Variants in ANXA11 observed in about 807,000 individuals in gnomAD.
ANXA11 encodes the protein 56 kDa autoantigen.
A neutral mutation model predicts 64.7 loss-of-function variants in ANXA11; 57 were observed. That is an observed-to-expected ratio of 0.88 (90% confidence interval 0.71 to 1.10). The LOEUF is 1.10. Among genes scored for constraint, ANXA11 ranks in the 50% least tolerant of loss-of-function variants. ANXA11 has a pLI of 0.00. For synonymous variants in ANXA11, 260 were observed against 265.2 expected (o/e 0.98, Z 0.19); for missense variants, 675 against 670.7 (o/e 1.01, Z -0.07).
chr10:80,191,520 A>G (rs1302217930), intron 1 of ANXA11, among the ~76,000 whole-genome samples: 1 of 152,120 alleles, frequency 6.6e-6, no homozygotes, highest in Non-Finnish European at 1.5e-5. Context: ...TTTGCATAAG[A>G]GCTCTGTGAA....
Position 80,155,953 on chromosome 10 carries a change from C to T in ANXA11, c.1459-41G>A, listed in dbSNP as rs752690669. The T allele has an allele frequency of 1.9e-6, 3 of 1,584,704 alleles. No individual in the cohort carries two copies. In the South Asian group the frequency reaches 3.3e-5, roughly 18 times the overall value. ...AGGAAGACATCCGTTAAGGGAGGGACAGTCACTTTCAGCCTTCTGGGTCCT... is the reference window on the plus strand; with the variant it reads ...AGGAAGACATCCGTTAAGGGAGGGATAGTCACTTTCAGCCTTCTGGGTCCT... On this transcript the variant is annotated intron_variant, in intron 15 of 15. Transcript: ENST00000422982.
At chr10:80,161,519 C>A (rs1845502348) in intron 12 of ANXA11, among the ~76,000 whole-genome samples, 1 of 152,212 alleles carries the variant, frequency 6.6e-6, no homozygotes, top group Non-Finnish European at 1.5e-5. Context: ...CCCACCGTGG[C>A]CCCACACCTG....
At chr10:80,198,889 A>G (rs985546442) in intron 1 of ANXA11, among the ~76,000 whole-genome samples, 1 of 152,170 alleles carries the variant, frequency 6.6e-6, no homozygotes, top group Non-Finnish European at 1.5e-5. Flanking sequence ...GCATGCAAGT[A>G]TAATAAGTAA....
intron 1 of ANXA11, among the ~76,000 whole-genome samples, chr10:80,184,087 C>T (rs549969449): frequency 5.7e-4 from 87 of 152,320 alleles, no homozygotes; most frequent in Non-Finnish European, 9.3e-4. Context: ...ACCATCATCC[C>T]TCAGCTTCAA....
intron 1 of ANXA11, among the ~76,000 whole-genome samples, chr10:80,181,930 C>G (rs546804896): frequency 1.6e-4 from 24 of 152,326 alleles, no homozygotes; most frequent in African/African-American, 5.5e-4. Flanking sequence ...CAATCATGCT[C>G]TTGGTATTTA....
chr10:80,183,880 A>G (rs1025918938), intron 1 of ANXA11, among the ~76,000 whole-genome samples: 2 of 152,216 alleles, frequency 1.3e-5, no homozygotes, highest in African/African-American at 4.8e-5. Context: ...ATAGAGCCCA[A>G]GCTCTGCCCC....
chr10:80,168,895 C>A, intron 5 of ANXA11, 74 bp downstream of exon 5: 1 of 1,411,240 alleles, frequency 7.1e-7, no homozygotes, highest in African/African-American at 1.5e-5. Flanking sequence ...CCTGTCTCCC[C>A]ATCTACTGAG....
chr10:80,165,577 C>T (rs1009647174), intron 8 of ANXA11, among the ~76,000 whole-genome samples: 1 of 152,204 alleles, frequency 6.6e-6, no homozygotes, highest in African/African-American at 2.4e-5. Context: ...GTAGGAGAAG[C>T]ACAGAAACTG....
At chr10:80,201,013 GGAGGGTAAATC>G (rs912159570) in intron 1 of ANXA11, among the ~76,000 whole-genome samples, 7 of 152,200 alleles carry the variant, frequency 4.6e-5, no homozygotes, top group African/African-American at 1.7e-4. Flanking sequence ...AAAGGGAGCA[GGAGGGTAAATC>G]GAGGCAACAG....
rs1233977595 is a variant in ANXA11, at chr10:80,154,996, G to A, written c.*857C>T. On this transcript the variant is annotated 3_prime_UTR_variant, in exon 16 of 16. Coordinates refer to ENST00000422982, the MANE Select transcript of ANXA11 (RefSeq NM_145868.2). Reference sequence around the variant, plus strand: ...TGTCCTTACGAGTCCCTGCAAACTAGTGTATGCTCAGGGTTTCCTGCACAC... The same window carrying A: ...TGTCCTTACGAGTCCCTGCAAACTAATGTATGCTCAGGGTTTCCTGCACAC... 1 of 152,342 alleles carries A rather than the reference G, an allele frequency of 6.6e-6. No homozygotes were observed. The highest frequency in any genetic ancestry group is 1.5e-5 in the Non-Finnish European group (1 of 68,066). The allele number at this position is 152,342 out of a possible 1,614,324, so 9.4% of individuals were successfully genotyped here.
intron 4 of ANXA11, among the ~76,000 whole-genome samples, chr10:80,170,182 C>T (rs1021001232): frequency 5.3e-5 from 8 of 152,150 alleles, no homozygotes; most frequent in South Asian, 2.1e-4. Context: ...AAGTGCAGCA[C>T]GGCTGAGATT....
At chr10:80,200,534 C>T (rs982559445) in intron 1 of ANXA11, among the ~76,000 whole-genome samples, 2 of 152,140 alleles carry the variant, frequency 1.3e-5, no homozygotes, top group African/African-American at 2.4e-5. Flanking sequence ...AGAACTCCCA[C>T]AAATATAAGT....
intron 7 of ANXA11, 79 bp from the exon 8 acceptor site, chr10:80,166,276 G>C (rs572238614): frequency 5.9e-5 from 48 of 814,582 alleles, no homozygotes; most frequent in Non-Finnish European, 8.8e-5. Context: ...TGACTAATAA[G>C]AGCCATATCC....
At chr10:80,177,945 C>T (rs1290346092) in intron 1 of ANXA11, among the ~76,000 whole-genome samples, 1 of 152,152 alleles carries the variant, frequency 6.6e-6, no homozygotes, top group African/African-American at 2.4e-5. Context: ...CTCTCTGACT[C>T]ACAGAAGCAG....
At position 80,161,489 on chromosome 10, in the gene ANXA11, C is replaced by T. The variant is rs182284773; in HGVS notation, c.1180+446G>A. Among the ~76,000 whole-genome samples, 24 of 152,370 alleles carry T rather than the reference C, an allele frequency of 1.6e-4. No homozygotes were observed. The East Asian group carries it at 2.9e-3, about 18-fold the overall frequency. ...ATGAGAAAGTGCAGCCCATGGAACA[C>T]ACTCTGCAGTGCCCTGCCCCCCACC... On this transcript the variant is annotated intron_variant, in intron 12 of 15. Coordinates refer to ENST00000422982, the MANE Select transcript of ANXA11 (RefSeq NM_145868.2).
intron 1 of ANXA11, among the ~76,000 whole-genome samples, chr10:80,190,368 T>G (rs947784339): frequency 6.6e-6 from 1 of 152,264 alleles, no homozygotes; most frequent in Non-Finnish European, 1.5e-5. Context: ...TATTGAAAAC[T>G]ATTTGAGGTG....
intron 1 of ANXA11, among the ~76,000 whole-genome samples, chr10:80,185,294 T>C (rs892181648): frequency 3.3e-5 from 5 of 152,154 alleles, no homozygotes; most frequent in African/African-American, 1.2e-4. Context: ...TAGAAGCAGA[T>C]AGAGTGATGG....
At chr10:80,156,426 C>T (rs1264403292) in intron 15 of ANXA11, 1 of 472,058 alleles carries the variant, frequency 2.1e-6, no homozygotes, top group Non-Finnish European at 4.4e-6. Flanking sequence ...TTTCCTTCCA[C>T]CCTAAGCAAC....
At chr10:80,187,484 T>C (rs1846586512) in intron 1 of ANXA11, among the ~76,000 whole-genome samples, 1 of 152,230 alleles carries the variant, frequency 6.6e-6, no homozygotes, top group African/African-American at 2.4e-5. Context: ...TATGATATTT[T>C]ATTACAGCAG....
Sources: allele counts gnomAD v4.1 joint callset (sites outside exome capture counted in the v4.1 genomes callset), GRCh38; gene constraint gnomAD v4.1.1; transcripts MANE v1.5; gene names NCBI Gene and HGNC (gene_info 2026-07-23, HGNC 2026-07-21).